RGPD3: variants seen among roughly 807,000 people sequenced by gnomAD.
The protein encoded by RGPD3 is RANBP2 like and GRIP domain containing 3.
In RGPD3, 62 loss-of-function variants were observed where a neutral mutation model predicts 154.5. That is an observed-to-expected ratio of 0.40 (90% confidence interval 0.33 to 0.50). RGPD3 has a LOEUF of 0.50. RGPD3 is among the 20% of genes least tolerant of loss of function. The pLI, the probability that RGPD3 is intolerant of heterozygous loss-of-function variation, is 0.59. For missense variants in RGPD3, 919 were observed against 1,716.8 expected (o/e 0.54, Z 8.21); for synonymous variants, 308 against 607.0 (o/e 0.51, Z 7.24).
intron 1 of RGPD3, among the ~76,000 whole-genome samples, chr2:106,466,114 G>GCCAGAAAGCCCGGGCCAGGACGGGC (rs1678570665): frequency 6.6e-6 from 1 of 151,820 alleles, no homozygotes. Context: ...GTACTACGGG[G>GCCAGAAAGCCCGGGCCAGGACGGGC]CCAGAAAGCC....
At chr2:106,426,770 GA>G (rs1677210204) in intron 18 of RGPD3, among the ~76,000 whole-genome samples, 1 of 152,238 alleles carries the variant, frequency 6.6e-6, no homozygotes, top group Admixed American at 6.5e-5. Flanking sequence ...AGTTTTACCA[GA>G]AAACAACCAA....
Position 106,403,608 on chromosome 2 carries a change from T to C in RGPD3, c.*1611A>G, listed in dbSNP as rs1277145473. Among the ~76,000 whole-genome samples the C allele has an allele frequency of 6.6e-6, 1 of 152,292 alleles. No individual in the cohort carries two copies. The highest frequency in any genetic ancestry group is 1.5e-5 in the Non-Finnish European group (1 of 68,056). ...GTCTCAAGTCAAAGAGAAAGTGAAA[T>C]ATATTTAAATATGATTAGTTACATC... On this transcript the variant is annotated 3_prime_UTR_variant, in exon 23 of 23. Transcript: ENST00000409886.
intron 1 of RGPD3, among the ~76,000 whole-genome samples, chr2:106,466,110 C>G (rs1336931097): frequency 1.3e-5 from 2 of 151,736 alleles, no homozygotes; most frequent in Admixed American, 6.6e-5. Context: ...GCGGGTACTA[C>G]GGGGCCAGAA....
intron 1 of RGPD3, among the ~76,000 whole-genome samples, chr2:106,467,778 C>G (rs1026012754): frequency 4.2e-5 from 6 of 143,962 alleles, no homozygotes; most frequent in Admixed American, 3.4e-4. Flanking sequence ...ACGCCTGAGC[C>G]ATCAAGGCAG....
intron 22 of RGPD3, among the ~76,000 whole-genome samples, chr2:106,408,528 A>C (rs1463347864): frequency 9.7e-5 from 14 of 143,634 alleles, no homozygotes; most frequent in Non-Finnish European, 2.1e-4. Flanking sequence ...TAAACATTTT[A>C]TATCTAGAGC....
chr2:106,466,003 T>G (rs1442243766), intron 1 of RGPD3, among the ~76,000 whole-genome samples: 4 of 151,108 alleles, frequency 2.6e-5, no homozygotes, highest in South Asian at 2.1e-4. Flanking sequence ...CAAGGAGGTA[T>G]GACCTCCGCC....
In RGPD3 at chr2:106,415,878, G is replaced by C; in HGVS notation, c.5036C>G (p.Thr1679Ser). The C allele has an allele frequency of 6.2e-7, 1 of 1,611,854 alleles. No individual in the cohort carries two copies. Among genetic ancestry groups the C allele is most frequent in the East Asian group, 2.2e-5 (1 of 44,868 alleles). Residue 1679 changes from threonine to serine, a missense_variant, in exon 21 of 23, where the codon ACC becomes AGC. By Grantham distance (58) the Thr-to-Ser change is moderately conservative (BLOSUM62 1). Coordinates refer to ENST00000409886, the MANE Select transcript of RGPD3 (RefSeq NM_001144013.2). ...AATTTGCTCCATAAGGACTGCATTG[G>C]TTGCCTCTATTTCCCGAAGCAGGCC... ...LNGLLREIEATNAVLMEQIKL... is the reference protein window; with the variant it reads ...LNGLLREIEASNAVLMEQIKL...
rs753200908 is a variant in RGPD3, at chr2:106,468,206, G to C, written c.72+11C>G. 4.4e-6 allele frequency: 7 copies of C among 1,602,432 alleles called. No individual in the cohort carries two copies. Among genetic ancestry groups the C allele is most frequent in the South Asian group, 2.2e-5 (2 of 89,216 alleles). On this transcript the variant is annotated intron_variant, in intron 1 of 22. Coordinates refer to ENST00000409886, the MANE Select transcript of RGPD3 (RefSeq NM_001144013.2). ...AGGTCGAGGCCGTCGGTCTCTTCCA[G>C]ACCCACTCACCTTTCGAGGCGACGG...
At chr2:106,460,840 TAAA>T (rs1159855256) in intron 1 of RGPD3, among the ~76,000 whole-genome samples, 1 of 60,462 alleles carries the variant, frequency 1.7e-5, no homozygotes, top group Non-Finnish European at 2.8e-5. Flanking sequence ...TTCCATCTCA[TAAA>T]AAAAAAAAAA....
chr2:106,463,008 T>TA (rs1314669336), intron 1 of RGPD3, among the ~76,000 whole-genome samples: 2 of 146,718 alleles, frequency 1.4e-5, no homozygotes, highest in African/African-American at 5.0e-5. Context: ...TAAACATCAT[T>TA]AAAAAAAAGG....
chr2:106,426,837 C>T (rs1279767649), intron 18 of RGPD3, among the ~76,000 whole-genome samples: 1 of 152,138 alleles, frequency 6.6e-6, no homozygotes, highest in African/African-American at 2.4e-5. Flanking sequence ...CAAGAGGTTC[C>T]AAACAATTGC....
chr2:106,440,333 C>T (rs2104484473), intron 8 of RGPD3, among the ~76,000 whole-genome samples: 1 of 147,544 alleles, frequency 6.8e-6, no homozygotes, highest in Admixed American at 6.8e-5. Context: ...GTTAATTCTG[C>T]TGGGCAATTA....
intron 18 of RGPD3, among the ~76,000 whole-genome samples, chr2:106,428,695 G>GA (rs949576733): frequency 1.5e-4 from 23 of 150,962 alleles, no homozygotes; most frequent in East Asian, 1.4e-3. Context: ...GAGAGAGAGA[G>GA]AAAAAAAAGG....
chr2:106,421,046 T>C (rs1048649527), intron 20 of RGPD3, among the ~76,000 whole-genome samples: 1 of 152,158 alleles, frequency 6.6e-6, no homozygotes, highest in Admixed American at 6.5e-5. Flanking sequence ...TCCCTCTCCT[T>C]CATTATAAAC....
At chr2:106,459,364 A>G in intron 1 of RGPD3, 32 bp from the exon 2 acceptor site, 2 of 1,478,680 alleles carry the variant, frequency 1.4e-6, no homozygotes, top group Non-Finnish European at 1.8e-6. Context: ...TTTACGTTTC[A>G]TACAGAAATA....
At chr2:106,455,154 C>A (rs1405672548) in intron 4 of RGPD3, among the ~76,000 whole-genome samples, 1 of 152,094 alleles carries the variant, frequency 6.6e-6, no homozygotes, top group Non-Finnish European at 1.5e-5. Context: ...GGCGACAGAG[C>A]AAGACTCTGT....
chr2:106,464,069 G>C (rs533281246), intron 1 of RGPD3, among the ~76,000 whole-genome samples: 2 of 152,350 alleles, frequency 1.3e-5, no homozygotes, highest in South Asian at 2.1e-4. Flanking sequence ...AATGGGGCCC[G>C]GCGCGGTGGC....
intron 22 of RGPD3, among the ~76,000 whole-genome samples, chr2:106,409,386 T>C (rs1676603686): frequency 6.6e-6 from 1 of 152,086 alleles, no homozygotes; most frequent in African/African-American, 2.4e-5. Context: ...ATTTTCTTTT[T>C]GCTTGAAGTA....
rs777452102 is a variant in RGPD3 at position 106,468,274 on chromosome 2, C to T, written c.15G>A (p.Lys5=). The part of the protein sequence containing the change: MSCS[K]AYGERYVASV... ...AGGCGACGTACCGCTCCCCGTAGGC[C>T]TTGCTGCAACTCATCGCGCCACCAA... is the stretch of plus-strand genomic sequence containing the variant. The change falls in exon 1 of 23, where the codon AAG becomes AAA. Residue 5 remains lysine, a synonymous_variant. Coordinates refer to ENST00000409886, the MANE Select transcript of RGPD3 (RefSeq NM_001144013.2). The T allele has an allele frequency of 5.6e-6, 9 of 1,607,328 alleles. No individual in the cohort carries two copies.
Sources: allele counts gnomAD v4.1 joint callset (sites outside exome capture counted in the v4.1 genomes callset), GRCh38; gene constraint gnomAD v4.1.1; transcripts MANE v1.5; gene names NCBI Gene and HGNC (gene_info 2026-07-23, HGNC 2026-07-21).